PTPRB: variants seen among roughly 807,000 people sequenced by gnomAD.
PTPRB encodes the protein receptor-type tyrosine-protein phosphatase beta.
PTPRB carries 97 observed loss-of-function variants against 238.1 expected under a neutral mutation model. The observed-to-expected ratio is 0.41, with a 90% CI of 0.35 to 0.48. The LOEUF (loss-of-function observed/expected upper bound fraction) is 0.48. Ranked by LOEUF, PTPRB falls within the 20% of genes least tolerant of loss-of-function variation. PTPRB has a pLI of 0.30. For missense variants in PTPRB, 2,292 were observed against 2,681.9 expected, an observed-to-expected ratio of 0.85 and a Z score of 3.21; for synonymous variants, 970 against 995.4, an observed-to-expected ratio of 0.97 and a Z score of 0.48.
At chr12:70,611,484 G>A (rs529121801) in intron 3 of PTPRB, among the ~76,000 whole-genome samples, 1 of 152,002 alleles carries the variant, frequency 6.6e-6, no homozygotes, top group South Asian at 2.1e-4. Flanking sequence ...ATTTTTAATA[G>A]AGACAGGGTT....
intron 28 of PTPRB, 145 bp downstream of exon 28, chr12:70,538,010 T>TG: frequency 1.6e-6 from 1 of 614,354 alleles, no homozygotes; most frequent in African/African-American, 1.8e-5. Context: ...ATACCCCATT[T>TG]TTTTTATGGC....
chr12:70,531,460 G>A lies in PTPRB; in HGVS notation c.6504+575C>T, dbSNP rs568544764. On this transcript the variant is annotated intron_variant, in intron 32 of 33. Transcript: ENST00000334414. ...AGAGATCTGACCCTGAGGCTAGTACGCTTATAGCACAATCAAGGGCCCAGG... is the reference window on the plus strand; with the variant it reads ...AGAGATCTGACCCTGAGGCTAGTACACTTATAGCACAATCAAGGGCCCAGG... Among the ~76,000 whole-genome samples, 10 of 152,246 alleles carry A rather than the reference G, an allele frequency of 6.6e-5. No homozygotes were observed. The South Asian group carries it at 1.9e-3, about 28-fold the overall frequency.
chr12:70,632,267 A>C (rs986398435), intron 2 of PTPRB, among the ~76,000 whole-genome samples: 66 of 152,216 alleles, frequency 4.3e-4, no homozygotes, highest in African/African-American at 1.6e-3. Flanking sequence ...TGATGAGTTC[A>C]TGTCATTTGC....
chr12:70,562,285 C>G (rs1386664725), intron 16 of PTPRB, among the ~76,000 whole-genome samples: 1 of 150,968 alleles, frequency 6.6e-6, no homozygotes, highest in African/African-American at 2.5e-5. Context: ...ACTCGTCCCC[C>G]CCCAAAACAT....
chr12:70,530,085 T>G (rs1162616907), intron 32 of PTPRB, among the ~76,000 whole-genome samples: 1 of 151,908 alleles, frequency 6.6e-6, no homozygotes, highest in African/African-American at 2.4e-5. Flanking sequence ...GGAAAACAAA[T>G]GGGAGGGAGG....
rs566112382 is a variant in PTPRB at position 70,571,344 on chromosome 12, A to G, written c.3107-55T>C. On this transcript the variant is annotated intron_variant, in intron 12 of 33. Transcript: ENST00000334414. Reference sequence around the variant, plus strand: ...GAAAGGAACTGATCAGAGTTTACCTACATAATAATTTATGAATCACATTCA... The same window carrying G: ...GAAAGGAACTGATCAGAGTTTACCTGCATAATAATTTATGAATCACATTCA... The G allele has an allele frequency of 4.8e-6, 7 of 1,458,136 alleles. No individual in the cohort carries two copies. The South Asian group carries it at 7.7e-5, about 16-fold the overall frequency. 90.3% of individuals were successfully genotyped at this position (1,458,136 alleles called of 1,614,324 possible). A position where few individuals can be genotyped will look rare whatever the true frequency, so the allele number is the denominator to read the frequency against.
intron 11 of PTPRB, among the ~76,000 whole-genome samples, chr12:70,573,626 C>T (rs1270243435): frequency 1.3e-5 from 2 of 151,344 alleles, no homozygotes; most frequent in African/African-American, 4.9e-5. Flanking sequence ...CTGCCTCAGC[C>T]TCCCAAGTAG....
At chr12:70,607,167 C>G (rs1346806022) in intron 4 of PTPRB, among the ~76,000 whole-genome samples, 1 of 152,210 alleles carries the variant, frequency 6.6e-6, no homozygotes, top group Non-Finnish European at 1.5e-5. Context: ...CACAGTAAGT[C>G]CTTTTCCATT....
At chr12:70,557,138 C>T (rs146914355) in intron 18 of PTPRB, among the ~76,000 whole-genome samples, 11 of 152,238 alleles carry the variant, frequency 7.2e-5, no homozygotes, top group Non-Finnish European at 1.5e-4. Flanking sequence ...GCCAAGGTAT[C>T]ACGAAAGAGG....
In PTPRB at chr12:70,524,495, T is replaced by A; in HGVS notation, c.6601A>T (p.Asn2201Tyr). The change falls in exon 33 of 34, where the codon AAT becomes TAT. Residue 2201 changes from asparagine to tyrosine, a missense_variant. Coordinates refer to ENST00000334414, the MANE Select transcript of PTPRB (RefSeq NM_001109754.4). ...QENPLFPIYE[N>Y]VNPEYHRDPV... Reference sequence around the variant, plus strand: ...CCTCTGTGATACTCTGGATTCACATTTTCATAGATTGGAAACAAGGGGTTT... The same window carrying A: ...CCTCTGTGATACTCTGGATTCACATATTCATAGATTGGAAACAAGGGGTTT... The A allele has an allele frequency of 6.2e-7, 1 of 1,612,582 alleles. No individual in the cohort carries two copies. The highest frequency in any genetic ancestry group is 2.2e-5 in the East Asian group (1 of 44,824).
chr12:70,598,375 C>T (rs1010404893), intron 4 of PTPRB, among the ~76,000 whole-genome samples: 1 of 152,058 alleles, frequency 6.6e-6, no homozygotes, highest in Non-Finnish European at 1.5e-5. Context: ...TTTTATTATT[C>T]CTATAATTAG....
rs768845245 is a variant in PTPRB at position 70,635,890 on chromosome 12, G to A, written c.232C>T (p.Pro78Ser). ...CLAISNSSRG[P>S]SRSAILDRCS... ...CGGTCCAAGATGGCTGAGCGGGAGG[G>A]GCCGCGGGAAGAGTTGGAGATGGCC... Residue 78 changes from proline to serine, a missense_variant, in exon 2 of 34, where the codon CCC becomes TCC. By Grantham distance (74) the Pro-to-Ser change is moderately conservative. Coordinates refer to ENST00000334414, the MANE Select transcript of PTPRB (RefSeq NM_001109754.4). 15 of 1,613,812 alleles carry A rather than the reference G, an allele frequency of 9.3e-6. No homozygotes were observed. Among genetic ancestry groups the A allele is most frequent in the Non-Finnish European group, 1.1e-5 (13 of 1,179,846 alleles).
intron 7 of PTPRB, among the ~76,000 whole-genome samples, chr12:70,590,814 C>G (rs1475937959): frequency 6.6e-6 from 1 of 151,904 alleles, no homozygotes; most frequent in Non-Finnish European, 1.5e-5. Flanking sequence ...TCTCCTGGGC[C>G]CTTCTGCCTC....
At chr12:70,557,800 G>A (rs542032610) in intron 18 of PTPRB, among the ~76,000 whole-genome samples, 1 of 152,192 alleles carries the variant, frequency 6.6e-6, no homozygotes, top group African/African-American at 2.4e-5. Context: ...ATGCTCTTTT[G>A]TTCTGCTTAA....
chr12:70,598,756 T>G (rs572403225), intron 4 of PTPRB, among the ~76,000 whole-genome samples: 77 of 152,290 alleles, frequency 5.1e-4, no homozygotes, highest in African/African-American at 1.9e-3. Context: ...CTACATGTAC[T>G]ATCAAGCCAG....
rs1323553307 is a variant in PTPRB at position 70,626,355 on chromosome 12, CTATCTATCTATA to C, written c.452-3721_452-3710del. The stretch of plus-strand genomic sequence containing the variant: ...TCTATCTATCTATCTATCTATCTAT[CTATCTATCTATA>C]TTCCTGCCTGCCTGCCTGCCTGCCT... On this transcript the variant is annotated intron_variant, in intron 2 of 33. Coordinates refer to ENST00000334414, the MANE Select transcript of PTPRB (RefSeq NM_001109754.4). Among the ~76,000 whole-genome samples the C allele has an allele frequency of 4.5e-5, 6 of 134,140 alleles. No homozygotes were observed. In the South Asian group the frequency reaches 6.9e-4, roughly 16 times the overall value. The allele number at this position is 134,140 out of a possible 152,430, so 88.0% of individuals were successfully genotyped here. A position where few individuals can be genotyped will look rare whatever the true frequency, so the allele number is the denominator to read the frequency against.
intron 31 of PTPRB, among the ~76,000 whole-genome samples, chr12:70,532,717 C>T (rs1170816885): frequency 6.6e-6 from 1 of 152,080 alleles, no homozygotes; most frequent in Non-Finnish European, 1.5e-5. Flanking sequence ...GCATAGCTCA[C>T]TGCAGCCTCG....
At chr12:70,563,413 G>C (rs2717442) in intron 15 of PTPRB, among the ~76,000 whole-genome samples, 6,804 of 152,224 alleles carry the variant, frequency 0.045, 183 homozygotes, top group African/African-American at 0.071. Context: ...AAACAGAACA[G>C]GACATCTGCC....
intron 27 of PTPRB, 187 bp downstream of exon 27, chr12:70,538,737 A>T: frequency 1.7e-6 from 1 of 596,760 alleles, no homozygotes; most frequent in Non-Finnish European, 3.0e-6. Context: ...ATCAGAATTT[A>T]AACTGGCTAT....
Sources: allele counts gnomAD v4.1 joint callset (sites outside exome capture counted in the v4.1 genomes callset), GRCh38; gene constraint gnomAD v4.1.1; transcripts MANE v1.5; gene names NCBI Gene and HGNC (gene_info 2026-07-23, HGNC 2026-07-21).